The following PTPN18 variants were observed in gnomAD, a reference collection of about 807,000 sequenced individuals.
PTPN18 encodes protein tyrosine phosphatase non-receptor type 18, also known as tyrosine-protein phosphatase non-receptor type 18.
In PTPN18, 65 loss-of-function variants were observed where a neutral mutation model predicts 65.4. The ratio of observed to expected loss-of-function variants is 0.99; its 90% CI spans 0.81 to 1.22. The LOEUF (loss-of-function observed/expected upper bound fraction) is 1.22. Ranked by LOEUF, PTPN18 falls within the 50% of genes most tolerant of loss-of-function variation. PTPN18 has a pLI of 0.00. For missense variants in PTPN18, 616 were observed against 646.5 expected (o/e 0.95, Z 0.51); for synonymous variants, 255 against 267.8 (o/e 0.95, Z 0.47).
At chr2:130,361,760 G>T (rs1273792611) in intron 5 of PTPN18, among the ~76,000 whole-genome samples, 3 of 151,852 alleles carry the variant, frequency 2.0e-5, no homozygotes, top group Non-Finnish European at 4.4e-5. Context: ...GCTAATTTTT[G>T]TATTTTTAGT....
intron 5 of PTPN18, among the ~76,000 whole-genome samples, chr2:130,360,436 A>C (rs1463920193): frequency 6.6e-6 from 1 of 152,176 alleles, no homozygotes; most frequent in Non-Finnish European, 1.5e-5. Flanking sequence ...CCCTGGGGTG[A>C]CTAGCTGATG....
chr2:130,370,551 T>G lies in PTPN18; in HGVS notation c.690-6T>G. On this transcript the variant is annotated splice_polypyrimidine_tract_variant and splice_region_variant and intron_variant, in intron 8 of 14. Coordinates refer to ENST00000175756, the MANE Select transcript of PTPN18 (RefSeq NM_014369.4). ...CTGACCAGGCACACTCTGATTCTCT[T>G]GTCAGTGCGGGTTGTGGGCGAACAG... 1 of 1,614,154 alleles carries G rather than the reference T, an allele frequency of 6.2e-7. No homozygotes were observed. Among genetic ancestry groups the G allele is most frequent in the Non-Finnish European group, 8.5e-7 (1 of 1,180,032 alleles).
chr2:130,369,397 T>C (rs1680480618), intron 6 of PTPN18, among the ~76,000 whole-genome samples, 196 bp downstream of exon 6: 1 of 152,234 alleles, frequency 6.6e-6, no homozygotes, highest in Non-Finnish European at 1.5e-5. Flanking sequence ...ATCTCTGTCA[T>C]GTAAATGTGC....
Position 130,370,578 on chromosome 2 carries a change from C to T in PTPN18, c.711C>T (p.Gly237=), listed in dbSNP as rs546582094. 4.3e-5 allele frequency: 70 copies of T among 1,614,104 alleles called. No homozygotes were observed. Among genetic ancestry groups the T allele is most frequent in the Non-Finnish European group, 5.2e-5 (61 of 1,180,022 alleles). ...TCAGTGCGGGTTGTGGGCGAACAGG[C>T]GTCCTGTGCACCGTGGATTATGTGA... The part of the protein sequence containing the change: ...VHCSAGCGRT[G]VLCTVDYVRQ... The change falls in exon 9 of 15, where the codon GGC becomes GGT. Residue 237 remains glycine, a synonymous_variant. Transcript: ENST00000175756.
rs1259147539 is a variant in PTPN18 at position 130,359,221 on chromosome 2, A to G, written c.203-12A>G. On this transcript the variant is annotated splice_polypyrimidine_tract_variant and intron_variant, in intron 2 of 14. Coordinates refer to ENST00000175756, the MANE Select transcript of PTPN18 (RefSeq NM_014369.4). Reference sequence around the variant, plus strand: ...ACCCAAACTCCACGTTTCTCACCTTATCTGCTGACAGATGATCAGACGCGA... The same window carrying G: ...ACCCAAACTCCACGTTTCTCACCTTGTCTGCTGACAGATGATCAGACGCGA... The G allele has an allele frequency of 6.2e-7, 1 of 1,613,794 alleles. No individual in the cohort carries two copies. The highest frequency in any genetic ancestry group is 8.5e-7 in the Non-Finnish European group (1 of 1,179,970).
intron 13 of PTPN18, 111 bp downstream of exon 13, chr2:130,372,594 A>C: frequency 7.7e-7 from 1 of 1,293,722 alleles, no homozygotes; most frequent in Non-Finnish European, 1.0e-6. Flanking sequence ...CCCAGCCGCT[A>C]GCCTGGCCAC....
At chr2:130,368,922 G>A in intron 5 of PTPN18, 2 of 508,810 alleles carry the variant, frequency 3.9e-6, no homozygotes, top group Non-Finnish European at 7.0e-6. Flanking sequence ...ATCCTGGACT[G>A]TATTTCCCCT....
At chr2:130,364,783 GAGACTC>G (rs1680330623) in intron 5 of PTPN18, among the ~76,000 whole-genome samples, 1 of 152,174 alleles carries the variant, frequency 6.6e-6, no homozygotes, top group Non-Finnish European at 1.5e-5. Flanking sequence ...GCGACAGAGC[GAGACTC>G]CGTCTCAAAA....
chr2:130,359,960 C>T, intron 5 of PTPN18: 1 of 393,718 alleles, frequency 2.5e-6, no homozygotes, highest in South Asian at 2.8e-5. Context: ...ACTCTAACAA[C>T]TCTGGTCTCT....
chr2:130,372,720 G>C lies in PTPN18; in HGVS notation c.1241-153G>C, dbSNP rs1354653295. ...AATACTTGTCTTGGCCGCGCCCAAA[G>C]GCTGGAGGCCACGTCCGGGGTGTGT... On this transcript the variant is annotated intron_variant, in intron 13 of 14. Coordinates refer to ENST00000175756, the MANE Select transcript of PTPN18 (RefSeq NM_014369.4). The C allele has an allele frequency of 7.7e-6, 8 of 1,034,642 alleles. No individual in the cohort carries two copies. The African/African-American group carries it at 1.1e-4, about 15-fold the overall frequency. The allele number at this position is 1,034,642 out of a possible 1,614,324, so 64.1% of individuals were successfully genotyped here.
rs10195163 is a variant in PTPN18 at position 130,372,798 on chromosome 2, G to C, written c.1241-75G>C. On this transcript the variant is annotated intron_variant, in intron 13 of 14. Coordinates refer to ENST00000175756, the MANE Select transcript of PTPN18 (RefSeq NM_014369.4). ...CTCCCCTTCGGGCCTCCGGGGAAGC[G>C]TCCCCGCTAGGGGTGGGGTCTTGGG... The C allele has an allele frequency of 1.8e-3, 2,821 of 1,545,620 alleles. 47 individuals carry two copies. The African/African-American group carries it at 0.031, about 17-fold the overall frequency.
At chr2:130,361,570 T>C (rs1422663672) in intron 5 of PTPN18, among the ~76,000 whole-genome samples, 1 of 146,956 alleles carries the variant, frequency 6.8e-6, no homozygotes, top group African/African-American at 2.6e-5. Context: ...TTCTTTCCTT[T>C]CTTTCCTTTC....
intron 5 of PTPN18, 93 bp downstream of exon 5, chr2:130,359,739 CAGCTCT>C: frequency 1.4e-6 from 2 of 1,451,988 alleles, no homozygotes; most frequent in Non-Finnish European, 1.9e-6. Context: ...CCCGAGGGTC[CAGCTCT>C]TGGAGTGACC....
intron 12 of PTPN18, 110 bp from the exon 13 acceptor site, chr2:130,372,147 G>A (rs1390815301): frequency 2.8e-6 from 3 of 1,079,168 alleles, no homozygotes; most frequent in African/African-American, 1.6e-5. Flanking sequence ...CCCATCTAGC[G>A]CACCGCCTCG....
Position 130,359,705 on chromosome 2 carries a change from G to C in PTPN18, c.414+59G>C, listed in dbSNP as rs1680135315. On this transcript the variant is annotated intron_variant, in intron 5 of 14. Coordinates refer to ENST00000175756, the MANE Select transcript of PTPN18 (RefSeq NM_014369.4). ...TGTGGGAGGAGGGAGGAGGGATCTT[G>C]CTAGCTCCTCCTTGACCCCAGGACC... is the stretch of plus-strand genomic sequence containing the variant. 1.9e-6 allele frequency: 3 copies of C among 1,578,190 alleles called. No individual in the cohort carries two copies. The Admixed American group carries it at 5.0e-5, about 26-fold the overall frequency.
chr2:130,359,072 C>A (rs1680099205), intron 2 of PTPN18, 97 bp downstream of exon 2: 3 of 1,461,092 alleles, frequency 2.1e-6, no homozygotes, highest in South Asian at 1.2e-5. Context: ...TGCTCTCCTC[C>A]CAGAGCCTCA....
At chr2:130,364,301 G>A (rs1446236634) in intron 5 of PTPN18, among the ~76,000 whole-genome samples, 1 of 152,086 alleles carries the variant, frequency 6.6e-6, no homozygotes, top group Non-Finnish European at 1.5e-5. Flanking sequence ...CCTCATGCAA[G>A]TGGAATCAGG....
intron 1 of PTPN18, among the ~76,000 whole-genome samples, chr2:130,357,479 A>T (rs1046222492): frequency 7.2e-5 from 11 of 152,282 alleles, no homozygotes; most frequent in African/African-American, 2.4e-4. Context: ...AACTGCATAA[A>T]ACAATACAAC....
Position 130,356,056 on chromosome 2 carries a change from A to G in PTPN18, c.-52A>G, listed in dbSNP as rs1679954130. The G allele has an allele frequency of 8.9e-7, 1 of 1,119,628 alleles. No individual in the cohort carries two copies. The highest frequency in any genetic ancestry group is 3.5e-5 in the East Asian group (1 of 28,942). 69.4% of individuals were successfully genotyped at this position (1,119,628 alleles called of 1,614,324 possible). A position where few individuals can be genotyped will look rare whatever the true frequency, so the allele number is the denominator to read the frequency against. Reference sequence around the variant, plus strand: ...CCGGCCTCCGCCTCCCGCGGCGTCCACACTCGCCGCGCGCGCGGCGGCCGG... The same window carrying G: ...CCGGCCTCCGCCTCCCGCGGCGTCCGCACTCGCCGCGCGCGCGGCGGCCGG... On this transcript the variant is annotated 5_prime_UTR_variant, in exon 1 of 15. Transcript: ENST00000175756.
Sources: allele counts gnomAD v4.1 joint callset (sites outside exome capture counted in the v4.1 genomes callset), GRCh38; gene constraint gnomAD v4.1.1; transcripts MANE v1.5; gene names NCBI Gene and HGNC (gene_info 2026-07-23, HGNC 2026-07-21).